ENTREP2: variants seen among roughly 807,000 people sequenced by gnomAD.
ENTREP2 encodes endosomal transmembrane epsin interactor 2.
chr15:29,230,234 C>T, the ENTREP2 span, among the ~76,000 whole-genome samples: 4 of 152,154 alleles, frequency 2.6e-5, no homozygotes, highest in East Asian at 1.9e-4. Flanking sequence ...ATGTTCTTGG[C>T]GTTTCCAATC....
At chr15:29,182,420 G>A in the ENTREP2 span, among the ~76,000 whole-genome samples, 10 of 151,854 alleles carry the variant, frequency 6.6e-5, no homozygotes, top group East Asian at 5.8e-4. Flanking sequence ...CACTGCGCCC[G>A]GCCAAACTAA....
At chr15:29,492,821 T>G in the ENTREP2 span, among the ~76,000 whole-genome samples, 1 of 151,880 alleles carries the variant, frequency 6.6e-6, no homozygotes, top group Admixed American at 6.6e-5. Flanking sequence ...CTGGCCAACA[T>G]GGTGAAACCC....
the ENTREP2 span, among the ~76,000 whole-genome samples, chr15:29,394,696 TAA>T: frequency 7.2e-5 from 11 of 152,076 alleles, no homozygotes; most frequent in African/African-American, 2.7e-4. Context: ...CTTGCAAAAT[TAA>T]AACTTTGTAT....
At chr15:29,147,850 C>T in the ENTREP2 span, among the ~76,000 whole-genome samples, 1 of 151,998 alleles carries the variant, frequency 6.6e-6, no homozygotes, top group African/African-American at 2.4e-5. Context: ...CAAGGATGTT[C>T]ATAACAGCAT....
chr15:29,524,035 T>C, the ENTREP2 span, among the ~76,000 whole-genome samples: 1 of 152,084 alleles, frequency 6.6e-6, no homozygotes, highest in African/African-American at 2.4e-5. Flanking sequence ...AGATGGGATA[T>C]CATCAAAATT....
At chr15:29,531,696 C>T in the ENTREP2 span, among the ~76,000 whole-genome samples, 137 of 152,338 alleles carry the variant, frequency 9.0e-4, no homozygotes, top group African/African-American at 3.2e-3. Flanking sequence ...GGCAGGGTCT[C>T]ACTCTGTCAC....
the ENTREP2 span, among the ~76,000 whole-genome samples, chr15:29,573,813 G>A: frequency 6.6e-6 from 1 of 151,976 alleles, no homozygotes; most frequent in Non-Finnish European, 1.5e-5. Context: ...TGGTCTGTTG[G>A]TGGGAGCTCT....
the ENTREP2 span, among the ~76,000 whole-genome samples, chr15:29,312,265 T>C: frequency 2.6e-5 from 4 of 152,064 alleles, no homozygotes; most frequent in Non-Finnish European, 4.4e-5. Context: ...TAAAATTATC[T>C]TTATTTGCAG....
chr15:29,216,449 A>C, the ENTREP2 span, among the ~76,000 whole-genome samples: 1 of 152,194 alleles, frequency 6.6e-6, no homozygotes, highest in Non-Finnish European at 1.5e-5. Context: ...TACCTAGGTG[A>C]TGATCTTTTT....
chr15:29,668,166 A>G, the ENTREP2 span, among the ~76,000 whole-genome samples: 1 of 152,160 alleles, frequency 6.6e-6, no homozygotes, highest in Non-Finnish European at 1.5e-5. Flanking sequence ...ACTGCCCTTC[A>G]CTCTAGCAAC....
chr15:29,344,045 T>C, the ENTREP2 span, among the ~76,000 whole-genome samples: 7 of 152,180 alleles, frequency 4.6e-5, no homozygotes, highest in African/African-American at 1.7e-4. Context: ...ATTCTACAAA[T>C]CTGGTGTATC....
At chr15:29,634,939 C>T in the ENTREP2 span, among the ~76,000 whole-genome samples, 1 of 152,252 alleles carries the variant, frequency 6.6e-6, no homozygotes, top group Admixed American at 6.5e-5. Flanking sequence ...CCGTGTTCAG[C>T]CATCCAAAAG....
chr15:29,603,602 A>C, the ENTREP2 span, among the ~76,000 whole-genome samples: 248 of 152,248 alleles, frequency 1.6e-3, no homozygotes, highest in African/African-American at 5.8e-3. Context: ...CCTCCAAAAA[A>C]TGGTGTGAAA....
chr15:29,526,606 C>T, the ENTREP2 span, among the ~76,000 whole-genome samples: 1 of 151,742 alleles, frequency 6.6e-6, no homozygotes, highest in Non-Finnish European at 1.5e-5. Flanking sequence ...AGACTATAGG[C>T]ACATGTCACC....
At chr15:29,202,474 T>A in the ENTREP2 span, among the ~76,000 whole-genome samples, 13 of 152,232 alleles carry the variant, frequency 8.5e-5, no homozygotes, top group Middle Eastern at 0.01. Flanking sequence ...ATTTTAAAAA[T>A]TTTTTTTATT....
chr15:29,607,054 A>T, the ENTREP2 span, among the ~76,000 whole-genome samples: 4 of 152,106 alleles, frequency 2.6e-5, no homozygotes, highest in African/African-American at 9.7e-5. Context: ...GCTGTTCTCG[A>T]ATTCCTGGCC....
At chr15:29,458,778 C>T in the ENTREP2 span, among the ~76,000 whole-genome samples, 1 of 152,324 alleles carries the variant, frequency 6.6e-6, no homozygotes, top group Admixed American at 6.5e-5. Flanking sequence ...CTGGTTTGTA[C>T]TCACGTTCAC....
chr15:29,360,570 T>C, the ENTREP2 span, among the ~76,000 whole-genome samples: 3 of 152,346 alleles, frequency 2.0e-5, no homozygotes, highest in East Asian at 1.9e-4. Context: ...ATTCCTCACA[T>C]AGCAAAACAT....
chr15:29,210,051 G>T, the ENTREP2 span, among the ~76,000 whole-genome samples: 60 of 152,266 alleles, frequency 3.9e-4, no homozygotes, highest in African/African-American at 1.4e-3. Flanking sequence ...TACTAATCCA[G>T]GAGAGACTGC....
Sources: allele counts gnomAD v4.1 joint callset (sites outside exome capture counted in the v4.1 genomes callset), GRCh38; gene constraint gnomAD v4.1.1; transcripts MANE v1.5; gene names NCBI Gene and HGNC (gene_info 2026-07-23, HGNC 2026-07-21).